Variants in ABTB3 observed in about 807,000 individuals in gnomAD.
The protein encoded by ABTB3 is ankyrin repeat and BTB domain containing 3.
At chr12:107,323,196 C>T in the ABTB3 span, among the ~76,000 whole-genome samples, 54 of 152,120 alleles carry the variant, frequency 3.5e-4, no homozygotes, top group Non-Finnish European at 7.3e-5. Context: ...CCCAGGCTGG[C>T]CTTGAACTCC....
At chr12:107,580,306 CTAATG>C in the ABTB3 span, among the ~76,000 whole-genome samples, 1 of 152,328 alleles carries the variant, frequency 6.6e-6, no homozygotes, top group African/African-American at 2.4e-5. Flanking sequence ...TCCAGTAATC[CTAATG>C]TGAGGACAGA....
At chr12:107,615,165 A>G in the ABTB3 span, 2 of 1,607,082 alleles carry the variant, frequency 1.2e-6, no homozygotes, top group Admixed American at 1.7e-5. Flanking sequence ...TAGTTCAGGT[A>G]TTAACGTATT....
the ABTB3 span, among the ~76,000 whole-genome samples, chr12:107,613,508 C>T: frequency 2.7e-4 from 41 of 152,264 alleles, no homozygotes; most frequent in Middle Eastern, 3.4e-3. Flanking sequence ...CTGATACCAC[C>T]GCTGCCATGG....
the ABTB3 span, among the ~76,000 whole-genome samples, chr12:107,583,071 A>C: frequency 3.9e-5 from 6 of 152,138 alleles, no homozygotes; most frequent in Admixed American, 3.9e-4. Flanking sequence ...CAACTGTGCA[A>C]ACTTGGGCAA....
the ABTB3 span, among the ~76,000 whole-genome samples, chr12:107,590,045 G>T: frequency 1.3e-5 from 2 of 152,192 alleles, no homozygotes; most frequent in African/African-American, 4.8e-5. Context: ...AAGTAGCTGG[G>T]ATTACAGGTG....
At chr12:107,429,803 A>G in the ABTB3 span, among the ~76,000 whole-genome samples, 1 of 152,238 alleles carries the variant, frequency 6.6e-6, no homozygotes, top group Admixed American at 6.5e-5. Context: ...AGGCTTTGCA[A>G]TGTCTGACAT....
At chr12:107,575,939 A>T in the ABTB3 span, among the ~76,000 whole-genome samples, 1 of 152,138 alleles carries the variant, frequency 6.6e-6, no homozygotes, top group African/African-American at 2.4e-5. Context: ...TTTCCCAATG[A>T]GAGAACTGAG....
At chr12:107,456,437 T>C in the ABTB3 span, among the ~76,000 whole-genome samples, 1 of 152,244 alleles carries the variant, frequency 6.6e-6, no homozygotes, top group Non-Finnish European at 1.5e-5. Context: ...TTGTGAACTA[T>C]GCATGTGACA....
chr12:107,321,632 T>C, the ABTB3 span, among the ~76,000 whole-genome samples: 1,424 of 17,894 alleles, frequency 0.08, 31 homozygotes, highest in African/African-American at 0.24. Context: ...CACACACACA[T>C]CCTGAAATAT....
the ABTB3 span, chr12:107,642,300 C>T: frequency 1.3e-6 from 1 of 759,980 alleles, no homozygotes. Flanking sequence ...TCCTGAACTC[C>T]CGGCCCCTCC....
At chr12:107,593,100 G>A in the ABTB3 span, among the ~76,000 whole-genome samples, 1 of 152,192 alleles carries the variant, frequency 6.6e-6, no homozygotes, top group Non-Finnish European at 1.5e-5. Flanking sequence ...CCTGTTTCCT[G>A]TAACTCTCAA....
chr12:107,363,818 T>C, the ABTB3 span, among the ~76,000 whole-genome samples: 57 of 152,334 alleles, frequency 3.7e-4, no homozygotes, highest in African/African-American at 1.4e-3. Context: ...TTAGTATATC[T>C]GATTGGTAAA....
At chr12:107,519,455 T>G in the ABTB3 span, among the ~76,000 whole-genome samples, 1 of 152,000 alleles carries the variant, frequency 6.6e-6, no homozygotes, top group Admixed American at 6.6e-5. Context: ...CCCCAGTAGC[T>G]GGGACTACAG....
At chr12:107,328,965 C>G in the ABTB3 span, among the ~76,000 whole-genome samples, 2 of 152,140 alleles carry the variant, frequency 1.3e-5, no homozygotes, top group African/African-American at 2.4e-5. Flanking sequence ...TTCCCCTCTC[C>G]CTGGCTGCCC....
chr12:107,449,076 A>C, the ABTB3 span, among the ~76,000 whole-genome samples: 2 of 152,208 alleles, frequency 1.3e-5, no homozygotes, highest in Non-Finnish European at 2.9e-5. Context: ...TTATGTGGCC[A>C]CTTGTTAATC....
chr12:107,533,459 C>T, the ABTB3 span, among the ~76,000 whole-genome samples: 1 of 152,032 alleles, frequency 6.6e-6, no homozygotes, highest in Non-Finnish European at 1.5e-5. Flanking sequence ...AAACCAAAAG[C>T]ATACAACAGT....
At chr12:107,613,572 G>T in the ABTB3 span, among the ~76,000 whole-genome samples, 1 of 152,078 alleles carries the variant, frequency 6.6e-6, no homozygotes, top group East Asian at 1.9e-4. Context: ...CTCCCAATCT[G>T]CAGAACGGGA....
At chr12:107,415,960 A>G in the ABTB3 span, among the ~76,000 whole-genome samples, 1 of 152,024 alleles carries the variant, frequency 6.6e-6, no homozygotes, top group South Asian at 2.1e-4. Context: ...TCAGATGACT[A>G]TGGAATTTGA....
the ABTB3 span, among the ~76,000 whole-genome samples, chr12:107,443,464 G>A: frequency 6.6e-6 from 1 of 151,982 alleles, no homozygotes; most frequent in African/African-American, 2.4e-5. Context: ...AGCAAGCCAG[G>A]TGGACTTGTG....
Sources: gnomAD v4.1 joint callset for allele counts (sites outside exome capture counted in the v4.1 genomes callset) on GRCh38, gnomAD v4.1.1 for gene constraint, MANE v1.5 for transcripts, NCBI Gene and HGNC (gene_info 2026-07-23, HGNC 2026-07-21) for gene names.